CREM: variants seen among roughly 807,000 people sequenced by gnomAD.
CREM encodes the protein cAMP-responsive element modulator.
Under a neutral mutation model 37.3 loss-of-function variants are expected in CREM, and 13 were observed. That is an observed-to-expected ratio of 0.35 (90% CI 0.23 to 0.55). CREM has a LOEUF of 0.55. Among genes scored for constraint, CREM ranks in the 20% least tolerant of loss-of-function variants. The pLI, the probability that CREM is intolerant of heterozygous loss-of-function variation, is 0.88. For missense variants in CREM, 296 were observed against 362.3 expected, an observed-to-expected ratio of 0.82 and a Z score of 1.49; for synonymous variants, 124 against 120.2, an observed-to-expected ratio of 1.03 and a Z score of -0.21.
intron 5 of CREM, among the ~76,000 whole-genome samples, chr10:35,183,239 A>G (rs2094427091): frequency 6.6e-6 from 1 of 152,090 alleles, no homozygotes; most frequent in Admixed American, 6.5e-5. Context: ...TAAGTGGGTC[A>G]ATCTAAACTG....
chr10:35,133,158 A>G (rs543422942), intron 1 of CREM, among the ~76,000 whole-genome samples: 3 of 152,270 alleles, frequency 2.0e-5, no homozygotes, highest in South Asian at 2.1e-4. Flanking sequence ...AACCATCTCA[A>G]TAATGCATAA....
intron 5 of CREM, among the ~76,000 whole-genome samples, chr10:35,187,153 A>AATATATAATATAT (rs1564922303): frequency 1.8e-5 from 1 of 54,366 alleles, no homozygotes; most frequent in African/African-American, 7.2e-5. Context: ...TATAATATAT[A>AATATATAATATAT]TAATATATAT....
chr10:35,153,636 T>G (rs964600480), intron 3 of CREM, among the ~76,000 whole-genome samples: 8 of 152,200 alleles, frequency 5.3e-5, no homozygotes, highest in Admixed American at 5.2e-4. Context: ...AAACTGACTT[T>G]CTGAAGTATA....
intron 6 of CREM, among the ~76,000 whole-genome samples, chr10:35,198,866 G>T (rs548575171): frequency 2.0e-5 from 3 of 152,150 alleles, no homozygotes; most frequent in African/African-American, 7.2e-5. Context: ...GAATAATTTC[G>T]AGGCTGGGCG....
intron 1 of CREM, among the ~76,000 whole-genome samples, chr10:35,135,721 GAAA>G (rs9336981): frequency 0.02 from 988 of 50,552 alleles, 20 homozygotes; most frequent in African/African-American, 0.069. Flanking sequence ...CCTATTTCTG[GAAA>G]AAAAAAAAAA....
At chr10:35,130,864 TAAGTG>T (rs1444071669) in intron 1 of CREM, among the ~76,000 whole-genome samples, 2 of 152,200 alleles carry the variant, frequency 1.3e-5, no homozygotes, top group Non-Finnish European at 2.9e-5. Context: ...TCCCCATTAT[TAAGTG>T]AAGCATAACT....
intron 3 of CREM, among the ~76,000 whole-genome samples, chr10:35,166,572 A>G (rs2093565281): frequency 6.6e-6 from 1 of 151,414 alleles, no homozygotes; most frequent in Non-Finnish European, 1.5e-5. Context: ...ATCAAAAAAA[A>G]AAAAAAATTA....
intron 1 of CREM, chr10:35,127,411 G>T (rs1226621155): frequency 1.3e-5 from 2 of 152,014 alleles, no homozygotes; most frequent in Non-Finnish European, 2.9e-5. Flanking sequence ...CGCCCCCGAG[G>T]CCGCCGGCTC....
intron 6 of CREM, among the ~76,000 whole-genome samples, chr10:35,199,894 T>TTC (rs2134205738): frequency 6.6e-6 from 1 of 150,456 alleles, no homozygotes; most frequent in East Asian, 1.9e-4. Context: ...TGGCTTTTTT[T>TTC]TTTTTTTTTT....
At position 35,197,230 on chromosome 10, in the gene CREM, CAT is replaced by C. The variant is rs1260787199; in HGVS notation, c.598+8843_598+8844del. 1.1e-4 allele frequency among the ~76,000 whole-genome samples: 17 copies of C among 152,116 alleles called. No homozygotes were observed. In the East Asian group the frequency reaches 2.5e-3, roughly 22 times the overall value. ...TCACAGTTTTACCAATAATGCTACA[CAT>C]GATTGATTTTCCTTTTCCAATTTAA... On this transcript the variant is annotated intron_variant, in intron 6 of 7. Coordinates refer to ENST00000685392, the MANE Select transcript of CREM (RefSeq NM_183011.2).
intron 6 of CREM, among the ~76,000 whole-genome samples, chr10:35,199,887 C>CTTT (rs5784443): frequency 0.14 from 16,649 of 121,274 alleles, 1,636 homozygotes; most frequent in East Asian, 0.21. Flanking sequence ...GTTAAAATGG[C>CTTT]TTTTTTTTTT....
intron 5 of CREM, among the ~76,000 whole-genome samples, chr10:35,180,877 G>A (rs2094322948): frequency 1.3e-5 from 2 of 152,328 alleles, no homozygotes; most frequent in Admixed American, 1.3e-4. Context: ...GCCTTGAGCA[G>A]CTCCATCCAC....
chr10:35,145,432 G>A (rs2091963502), intron 2 of CREM, among the ~76,000 whole-genome samples: 1 of 152,022 alleles, frequency 6.6e-6, no homozygotes, highest in South Asian at 2.1e-4. Context: ...TGGCAGACTT[G>A]GTCATTCTCT....
intron 2 of CREM, among the ~76,000 whole-genome samples, chr10:35,139,127 A>T (rs2091067129): frequency 6.8e-6 from 1 of 146,004 alleles, no homozygotes; most frequent in Admixed American, 6.9e-5. Flanking sequence ...CATTTTAGCA[A>T]TTTTTTTTTT....
At chr10:35,206,828 C>A in intron 6 of CREM, 67 bp from the exon 7 acceptor site, 3 of 1,419,464 alleles carry the variant, frequency 2.1e-6, no homozygotes, top group Non-Finnish European at 3.0e-6. Context: ...ATTTCCAGAT[C>A]AGTTTTATGT....
intron 3 of CREM, 55 bp downstream of exon 3, chr10:35,148,546 G>A: frequency 3.9e-6 from 6 of 1,552,504 alleles, no homozygotes; most frequent in Non-Finnish European, 5.2e-6. Flanking sequence ...TGAGAATTAG[G>A]TGCAGATTCT....
chr10:35,202,728 A>G lies in CREM; in HGVS notation c.599-4167A>G, dbSNP rs562122035. ...TAACTCCTGTTTCTGGCTTGAACTAATGCGCTTGTCATTTTGATTTTATTG... is the reference window on the plus strand; with the variant it reads ...TAACTCCTGTTTCTGGCTTGAACTAGTGCGCTTGTCATTTTGATTTTATTG... On this transcript the variant is annotated intron_variant, in intron 6 of 7. Coordinates refer to ENST00000685392, the MANE Select transcript of CREM (RefSeq NM_183011.2). Among the ~76,000 whole-genome samples, 3 of 152,340 alleles carry G rather than the reference A, an allele frequency of 2.0e-5. No individual in the cohort carries two copies. In the East Asian group the frequency reaches 5.8e-4, roughly 29 times the overall value.
chr10:35,197,692 C>T (rs1482982589), intron 6 of CREM, among the ~76,000 whole-genome samples: 4 of 152,152 alleles, frequency 2.6e-5, no homozygotes, highest in African/African-American at 9.7e-5. Context: ...CTCCTGACCT[C>T]GTGATCCGCC....
At chr10:35,203,903 C>T (rs895617262) in intron 6 of CREM, among the ~76,000 whole-genome samples, 3 of 152,042 alleles carry the variant, frequency 2.0e-5, no homozygotes, top group African/African-American at 4.8e-5. Context: ...GATCCTAGAC[C>T]AAGGTCCATA....
Sources: allele counts gnomAD v4.1 joint callset (sites outside exome capture counted in the v4.1 genomes callset), GRCh38; gene constraint gnomAD v4.1.1; transcripts MANE v1.5; gene names NCBI Gene and HGNC (gene_info 2026-07-23, HGNC 2026-07-21).